The following STX7 variants were observed in gnomAD, a reference collection of about 807,000 sequenced individuals.
The protein encoded by STX7 is syntaxin-7.
A neutral mutation model predicts 39.6 loss-of-function variants in STX7; 34 were observed. The observed-to-expected ratio is 0.86, with a 90% CI of 0.65 to 1.14. The LOEUF is 1.14. STX7 is among the 50% of genes most tolerant of loss of function. The pLI, the probability that STX7 is intolerant of heterozygous loss-of-function variation, is 0.00. For missense variants in STX7, 284 were observed against 310.4 expected (o/e 0.92, Z 0.64); for synonymous variants, 119 against 99.1 (o/e 1.20, Z -1.19).
Position 132,469,753 on chromosome 6 carries a change from C to T in STX7, c.537+198G>A, listed in dbSNP as rs149066718. Among the ~76,000 whole-genome samples the T allele has an allele frequency of 3.4e-4, 52 of 152,274 alleles. 1 individual carries two copies. The East Asian group carries it at 9.3e-3, about 27-fold the overall frequency. ...ACTCAGCAAGCTGAGGCACAAGAAT[C>T]GCTTGAAGCTGGGAGGCGGAGGTTG... On this transcript the variant is annotated intron_variant, in intron 7 of 9. Coordinates refer to ENST00000367941, the MANE Select transcript of STX7 (RefSeq NM_003569.3).
intron 2 of STX7, among the ~76,000 whole-genome samples, chr6:132,483,452 T>C (rs1467435285): frequency 1.3e-5 from 2 of 152,216 alleles, no homozygotes; most frequent in African/African-American, 4.8e-5. Flanking sequence ...TATTTAACAA[T>C]GTCACAAAAT....
intron 2 of STX7, among the ~76,000 whole-genome samples, chr6:132,476,276 CATT>C (rs1273404821): frequency 1.3e-5 from 2 of 152,040 alleles, no homozygotes; most frequent in African/African-American, 4.8e-5. Context: ...AAAAAACTGA[CATT>C]ATGAACCTTG....
At chr6:132,473,193 T>C (rs942546083) in intron 3 of STX7, among the ~76,000 whole-genome samples, 9 of 152,102 alleles carry the variant, frequency 5.9e-5, no homozygotes, top group Admixed American at 1.3e-4. Context: ...GAGGCAATAT[T>C]GGTACAAATT....
chr6:132,468,532 G>A, intron 7 of STX7, 57 bp from the exon 8 acceptor site: 1 of 1,447,832 alleles, frequency 6.9e-7, no homozygotes. Context: ...TTCCATAAAA[G>A]AGGAAAAATT....
chr6:132,493,476 T>A (rs1276160636), intron 2 of STX7, among the ~76,000 whole-genome samples: 1 of 152,142 alleles, frequency 6.6e-6, no homozygotes, highest in Non-Finnish European at 1.5e-5. Context: ...TGATAGTGAA[T>A]AAGTCTCATG....
At chr6:132,478,249 T>C (rs1421031712) in intron 2 of STX7, among the ~76,000 whole-genome samples, 2 of 151,950 alleles carry the variant, frequency 1.3e-5, no homozygotes, top group Non-Finnish European at 2.9e-5. Flanking sequence ...ATAAACTGAA[T>C]AGCAAAAAAA....
At chr6:132,511,530 T>C (rs1406630061) in intron 1 of STX7, among the ~76,000 whole-genome samples, 2 of 152,246 alleles carry the variant, frequency 1.3e-5, no homozygotes, top group East Asian at 3.8e-4. Context: ...AAACAGGAGC[T>C]ACTTCTGGAA....
chr6:132,480,845 C>T (rs995110249), intron 2 of STX7, among the ~76,000 whole-genome samples: 2 of 152,200 alleles, frequency 1.3e-5, no homozygotes, highest in Non-Finnish European at 2.9e-5. Context: ...GGTAACTTAG[C>T]ACCTGCCAGT....
chr6:132,511,522 A>G (rs1324086838), intron 1 of STX7, among the ~76,000 whole-genome samples: 1 of 152,210 alleles, frequency 6.6e-6, no homozygotes, highest in Non-Finnish European at 1.5e-5. Context: ...TGGAATACAA[A>G]CAGGAGCTAC....
chr6:132,503,694 G>A (rs2842885), intron 1 of STX7, 106 bp from the exon 2 acceptor site: 165,750 of 470,354 alleles, frequency 0.35, 30,791 homozygotes, highest in Middle Eastern at 0.41. Flanking sequence ...TAATCTAATA[G>A]AGTTGAAATC....
At chr6:132,512,213 T>C (rs901031330) in intron 1 of STX7, among the ~76,000 whole-genome samples, 2 of 152,156 alleles carry the variant, frequency 1.3e-5, no homozygotes, top group African/African-American at 4.8e-5. Flanking sequence ...ATATTATATA[T>C]AATTATAGTC....
chr6:132,501,160 C>A (rs1775550739), intron 2 of STX7, among the ~76,000 whole-genome samples: 1 of 151,706 alleles, frequency 6.6e-6, no homozygotes, highest in Non-Finnish European at 1.5e-5. Context: ...TCAAGCGATT[C>A]CCCTGCCTCT....
At chr6:132,482,306 CT>C (rs1271880206) in intron 2 of STX7, among the ~76,000 whole-genome samples, 1 of 152,094 alleles carries the variant, frequency 6.6e-6, no homozygotes, top group African/African-American at 2.4e-5. Flanking sequence ...GGTTGCATTC[CT>C]TTAAATTGAG....
intron 7 of STX7, among the ~76,000 whole-genome samples, chr6:132,469,479 A>AT (rs957558279): frequency 6.6e-6 from 1 of 152,136 alleles, no homozygotes; most frequent in Non-Finnish European, 1.5e-5. Context: ...GGACAATATT[A>AT]TTTTTTTAAA....
chr6:132,462,824 TA>T (rs1464997708), intron 9 of STX7, among the ~76,000 whole-genome samples: 7 of 152,064 alleles, frequency 4.6e-5, no homozygotes, highest in African/African-American at 7.2e-5. Context: ...ATTTGTCCAG[TA>T]AAAGATGGAC....
At chr6:132,496,147 T>C (rs1040242193) in intron 2 of STX7, among the ~76,000 whole-genome samples, 4 of 152,202 alleles carry the variant, frequency 2.6e-5, no homozygotes, top group African/African-American at 9.6e-5. Context: ...ATGCATATTT[T>C]AGCAGAAACT....
chr6:132,510,980 A>T (rs1352725438), intron 1 of STX7, among the ~76,000 whole-genome samples: 1 of 152,188 alleles, frequency 6.6e-6, no homozygotes, highest in Non-Finnish European at 1.5e-5. Context: ...CTGGGCAAAG[A>T]AGTAGTCAAT....
intron 2 of STX7, among the ~76,000 whole-genome samples, chr6:132,477,416 T>C (rs999418295): frequency 6.6e-6 from 1 of 151,970 alleles, no homozygotes; most frequent in Non-Finnish European, 1.5e-5. Context: ...GAAAAAATCA[T>C]AGCAAGTGAG....
chr6:132,501,520 T>C (rs939074693), intron 2 of STX7, among the ~76,000 whole-genome samples: 1 of 152,236 alleles, frequency 6.6e-6, no homozygotes, highest in African/African-American at 2.4e-5. Flanking sequence ...CTGGATCAAC[T>C]GATCTCTTTC....
Sources: gnomAD v4.1 joint callset for allele counts (sites outside exome capture counted in the v4.1 genomes callset) on GRCh38, gnomAD v4.1.1 for gene constraint, MANE v1.5 for transcripts, NCBI Gene and HGNC (gene_info 2026-07-23, HGNC 2026-07-21) for gene names.